The following H3Y1 variants were observed in gnomAD, a reference collection of about 807,000 sequenced individuals.
H3Y1 encodes histone H3.Y.
In H3Y1, 1 loss-of-function variant was observed where a neutral mutation model predicts 0.5. The observed-to-expected ratio is 2.08, with a 90% confidence interval of 0.74 to 9.87. The LOEUF (loss-of-function observed/expected upper bound fraction) is 9.87. Ranked by LOEUF, H3Y1 falls within the 30% of genes most tolerant of loss-of-function variation. The pLI, the probability that H3Y1 is intolerant of heterozygous loss-of-function variation, is 0.13. For missense variants in H3Y1, 35 were observed against 11.5 expected, an observed-to-expected ratio of 3.05 and a Z score of -2.96; for synonymous variants, 9 against 5.0, an observed-to-expected ratio of 1.80 and a Z score of -1.07.
At position 17,655,304 on chromosome 5, in the gene H3Y1, T is replaced by A. The variant is rs1740169818; in HGVS notation, c.235A>T (p.Ile79Phe). 8 of 468,160 alleles carry A rather than the reference T, an allele frequency of 1.7e-5. No homozygotes were observed. The East Asian group carries it at 2.4e-4, about 14-fold the overall frequency. The allele number at this position is 468,160 out of a possible 1,614,324, so 29.0% of individuals were successfully genotyped here. Reference sequence around the variant, plus strand: ...CTCTGGAAGCGCAGGTCCGGGCTGATGGCCTGGGCGATCTCGCGCACCAGG... The same window carrying A: ...CTCTGGAAGCGCAGGTCCGGGCTGAAGGCCTGGGCGATCTCGCGCACCAGG... ...QRLVREIAQA[I>F]SPDLRFQSAA... The change falls in exon 1 of 1, where the codon ATC becomes TTC. Residue 79 changes from isoleucine (I) to phenylalanine (F), a missense_variant. Ile to Phe is a conservative substitution (Grantham distance 21). Coordinates refer to ENST00000598383, the MANE Select transcript of H3Y1 (RefSeq NM_001355258.2).
In H3Y1 at chr5:17,655,563, T is replaced by C; in HGVS notation, c.-25A>G. On this transcript the variant is annotated 5_prime_UTR_variant, in exon 1 of 1. Transcript: ENST00000598383. Reference sequence around the variant, plus strand: ...TGTCGCGGGGCCTTAGCCTCTCCCCTGTCCTTGGGCTGAGCCTGGCCGGCT... The same window carrying C: ...TGTCGCGGGGCCTTAGCCTCTCCCCCGTCCTTGGGCTGAGCCTGGCCGGCT... The C allele has an allele frequency of 2.5e-6, 1 of 401,818 alleles. No individual in the cohort carries two copies. The highest frequency in any genetic ancestry group is 4.4e-6 in the Non-Finnish European group (1 of 228,482). The allele number at this position is 401,818 out of a possible 1,614,324, so 24.9% of individuals were successfully genotyped here. A position where few individuals can be genotyped will look rare whatever the true frequency, so the allele number is the denominator to read the frequency against.
In H3Y1 at chr5:17,655,419, G is replaced by A. The variant is rs113901801; in HGVS notation, c.120C>T (p.His40=). Residue 40 remains histidine, a synonymous_variant, in exon 1 of 1, where the codon CAC becomes CAT. Transcript: ENST00000598383. ...APPTGGIKKP[H]RYKPGTLALR... ...GCGCCAGGGTGCCAGGCTTGTAGCG[G>A]TGAGGCTTCTTGATCCCTCCTGTAG... The A allele has an allele frequency of 0.018, 7,552 of 413,410 alleles. 123 individuals carry two copies. Among genetic ancestry groups the A allele is most frequent in the African/African-American group, 0.04 (1,961 of 48,724 alleles). 25.6% of individuals were successfully genotyped at this position (413,410 alleles called of 1,614,324 possible).
rs930757686 is a variant in H3Y1 at position 17,655,737 on chromosome 5, G to T, written c.-199C>A. ...CACTTACCAGCCCTCAGGTCTGTGG[G>T]TCGGAGGCCGCGCTGCTTAGTCTTT... On this transcript the variant is annotated 5_prime_UTR_variant, in exon 1 of 1. Transcript: ENST00000598383. 3.0e-5 allele frequency: 12 copies of T among 396,436 alleles called. No individual in the cohort carries two copies. The highest frequency in any genetic ancestry group is 5.3e-5 in the Non-Finnish European group (12 of 225,484). The allele number at this position is 396,436 out of a possible 1,614,324, so 24.6% of individuals were successfully genotyped here.
rs35397158 is a variant in H3Y1, at chr5:17,654,960, AGCTGAAGT to A, written c.*160_*167del. 373,532 of 395,876 alleles carry A rather than the reference AGCTGAAGT, an allele frequency of 0.94. 177,462 individuals are homozygous for A. Among genetic ancestry groups the A allele is most frequent in the Non-Finnish European group, 0.98 (220,373 of 225,332 alleles). The allele number at this position is 395,876 out of a possible 1,614,324, so 24.5% of individuals were successfully genotyped here. On this transcript the variant is annotated 3_prime_UTR_variant, in exon 1 of 1. Transcript: ENST00000598383. ...ACAGGTTTCTTGAAAATTGATGTAG[AGCTGAAGT>A]GCTGAAACTCGCTCACTGAAACATT...
rs765430749 is a variant in H3Y1 at position 17,655,329 on chromosome 5, G to A, written c.210C>T (p.Arg70=). ...TGGCCTGGGCGATCTCGCGCACCAGGCGCTGGAAGGGCAGCTTGCGCAGGA... is the reference window on the plus strand; with the variant it reads ...TGGCCTGGGCGATCTCGCGCACCAGACGCTGGAAGGGCAGCTTGCGCAGGA... ...QLLLRKLPFQ[R]LVREIAQAIS... Residue 70 remains arginine, a synonymous_variant, in exon 1 of 1, where the codon CGC becomes CGT. Transcript: ENST00000598383. 158 of 451,054 alleles carry A rather than the reference G, an allele frequency of 3.5e-4. 2 individuals are homozygous for A. The highest frequency in any genetic ancestry group is 8.0e-5 in the Non-Finnish European group (20 of 251,440). 27.9% of individuals were successfully genotyped at this position (451,054 alleles called of 1,614,324 possible).
In H3Y1 at chr5:17,655,117, C is replaced by T. The variant is rs189259099; in HGVS notation, c.*11G>A. On this transcript the variant is annotated 3_prime_UTR_variant, in exon 1 of 1. Transcript: ENST00000598383. ...CCACTCCCAATCCTATGCTTAGCTA[C>T]CTTTGGGCTCTTAAGGACCCTCTCT... 283 of 408,046 alleles carry T rather than the reference C, an allele frequency of 6.9e-4. 1 individual carries two copies. The highest frequency in any genetic ancestry group is 5.3e-3 in the African/African-American group (259 of 48,598). 25.3% of individuals were successfully genotyped at this position (408,046 alleles called of 1,614,324 possible). A position where few individuals can be genotyped will look rare whatever the true frequency, so the allele number is the denominator to read the frequency against.
chr5:17,655,139 C>G lies in H3Y1; in HGVS notation c.400G>C (p.Glu134Gln), dbSNP rs180758285. 46 of 422,408 alleles carry G rather than the reference C, an allele frequency of 1.1e-4. No homozygotes were observed. The highest frequency in any genetic ancestry group is 9.0e-4 in the African/African-American group (44 of 48,764). The allele number at this position is 422,408 out of a possible 1,614,324, so 26.2% of individuals were successfully genotyped here. Residue 134 changes from glutamate to glutamine, a missense_variant, in exon 1 of 1, where the codon GAG becomes CAG. By Grantham distance (29) the Glu-to-Gln change is conservative. Transcript: ENST00000598383. ...CTACCTTTGGGCTCTTAAGGACCCT[C>G]TCTGCGGAGGCGGCGGGCCAGCTGC... ...DMQLARRLRR[E>Q]GP is the part of the protein sequence containing the mutation.
rs1740167515 is a variant in H3Y1 at position 17,655,215 on chromosome 5, G to T, written c.324C>A (p.Thr108=). Residue 108 remains threonine (T), a synonymous_variant, in exon 1 of 1, where the codon ACC becomes ACA. Coordinates refer to ENST00000598383, the MANE Select transcript of H3Y1 (RefSeq NM_001355258.2). ...EAYLVQLFED[T]NLCAIHARRV... Reference sequence around the variant, plus strand: ...GCCTGGCATGGATGGCACACAGGTTGGTGTCTTCAAAGAGCTGCACCAGGT... The same window carrying T: ...GCCTGGCATGGATGGCACACAGGTTTGTGTCTTCAAAGAGCTGCACCAGGT... 18 of 467,974 alleles carry T rather than the reference G, an allele frequency of 3.8e-5. No homozygotes were observed. The highest frequency in any genetic ancestry group is 6.5e-5 in the Non-Finnish European group (17 of 262,642). The allele number at this position is 467,974 out of a possible 1,614,324, so 29.0% of individuals were successfully genotyped here. A position where few individuals can be genotyped will look rare whatever the true frequency, so the allele number is the denominator to read the frequency against.
In H3Y1 at chr5:17,655,278, A is replaced by G. The variant is rs528649083; in HGVS notation, c.261T>C (p.Ser87=). 99 of 471,712 alleles carry G rather than the reference A, an allele frequency of 2.1e-4. No homozygotes were observed. The East Asian group carries it at 2.2e-3, about 11-fold the overall frequency. The allele number at this position is 471,712 out of a possible 1,614,324, so 29.2% of individuals were successfully genotyped here. The change falls in exon 1 of 1, where the codon AGT becomes AGC. Residue 87 remains serine (S), a synonymous_variant. Transcript: ENST00000598383. The part of the protein sequence containing the change: ...QAISPDLRFQ[S]AAIGALQEAS... ...CCTCCTGCAGGGCGCCAATGGCCGC[A>G]CTCTGGAAGCGCAGGTCCGGGCTGA...
chr5:17,655,532 G>C lies in H3Y1; in HGVS notation c.7C>G (p.Arg3Gly), dbSNP rs565916700. The part of the protein sequence containing the change: MA[R>G]TKQTARKATA... ...GCTTTGCGGGCGGTCTGCTTGGTGC[G>C]CGCCATGTCGCGGGGCCTTAGCCTC... Residue 3 changes from arginine to glycine, a missense_variant, in exon 1 of 1, where the codon CGC (arginine) becomes GGC (glycine). Transcript: ENST00000598383. 3 of 406,116 alleles carry C rather than the reference G, an allele frequency of 7.4e-6. No individual in the cohort carries two copies. The highest frequency in any genetic ancestry group is 8.7e-6 in the Non-Finnish European group (2 of 231,146). 25.2% of individuals were successfully genotyped at this position (406,116 alleles called of 1,614,324 possible).
At position 17,655,724 on chromosome 5, in the gene H3Y1, C is replaced by T. The variant is rs1740180847; in HGVS notation, c.-186G>A. The T allele has an allele frequency of 2.5e-6, 1 of 396,930 alleles. No homozygotes were observed. Among genetic ancestry groups the T allele is most frequent in the South Asian group, 1.4e-4 (1 of 7,038 alleles). The allele number at this position is 396,930 out of a possible 1,614,324, so 24.6% of individuals were successfully genotyped here. On this transcript the variant is annotated 5_prime_UTR_variant, in exon 1 of 1. Transcript: ENST00000598383. The stretch of plus-strand genomic sequence containing the variant: ...CAACCCAGCCCCACACTTACCAGCC[C>T]TCAGGTCTGTGGGTCGGAGGCCGCG...
Position 17,655,220 on chromosome 5 carries a change from C to G in H3Y1, c.319G>C (p.Asp107His), listed in dbSNP as rs775632801. The G allele has an allele frequency of 4.2e-6, 2 of 471,200 alleles. No homozygotes were observed. The highest frequency in any genetic ancestry group is 7.6e-6 in the Non-Finnish European group (2 of 264,072). The allele number at this position is 471,200 out of a possible 1,614,324, so 29.2% of individuals were successfully genotyped here. ...SEAYLVQLFE[D>H]TNLCAIHARR... Reference sequence around the variant, plus strand: ...GCATGGATGGCACACAGGTTGGTGTCTTCAAAGAGCTGCACCAGGTAGGCC... The same window carrying G: ...GCATGGATGGCACACAGGTTGGTGTGTTCAAAGAGCTGCACCAGGTAGGCC... The change falls in exon 1 of 1, where the codon GAC becomes CAC. Residue 107 changes from aspartate (D) to histidine (H), a missense_variant. Transcript: ENST00000598383.
rs1740165391 is a variant in H3Y1 at position 17,655,094 on chromosome 5, A to G, written c.*34T>C. 2.5e-6 allele frequency: 1 copy of G among 401,056 alleles called. No homozygotes were observed. Among genetic ancestry groups the G allele is most frequent in the Admixed American group, 4.4e-5 (1 of 22,690 alleles). The allele number at this position is 401,056 out of a possible 1,614,324, so 24.8% of individuals were successfully genotyped here. A position where few individuals can be genotyped will look rare whatever the true frequency, so the allele number is the denominator to read the frequency against. On this transcript the variant is annotated 3_prime_UTR_variant, in exon 1 of 1. Transcript: ENST00000598383. ...CAAGACCTGATTTCTGCCTGTTTCC[A>G]CTCCCAATCCTATGCTTAGCTACCT...
Position 17,655,746 on chromosome 5 carries a change from C to A in H3Y1, c.-208G>T. On this transcript the variant is annotated 5_prime_UTR_variant, in exon 1 of 1. Transcript: ENST00000598383. ...GCCCTCAGGTCTGTGGGTCGGAGGC[C>A]GCGCTGCTTAGTCTTTCCGGAGGGT... The A allele has an allele frequency of 2.5e-6, 1 of 395,902 alleles. No homozygotes were observed. Among genetic ancestry groups the A allele is most frequent in the Non-Finnish European group, 4.4e-6 (1 of 225,092 alleles). 24.5% of individuals were successfully genotyped at this position (395,902 alleles called of 1,614,324 possible). A position where few individuals can be genotyped will look rare whatever the true frequency, so the allele number is the denominator to read the frequency against.
Position 17,655,212 on chromosome 5 carries a change from G to T in H3Y1, c.327C>A (p.Asn109Lys). The change falls in exon 1 of 1, where the codon AAC (asparagine) becomes AAA (lysine). Residue 109 changes from asparagine (N) to lysine (K), a missense_variant. Asn to Lys is a moderately conservative substitution (Grantham distance 94). Transcript: ENST00000598383. ...AYLVQLFEDT[N>K]LCAIHARRVT... ...CGCGCCTGGCATGGATGGCACACAGGTTGGTGTCTTCAAAGAGCTGCACCA... is the reference window on the plus strand; with the variant it reads ...CGCGCCTGGCATGGATGGCACACAGTTTGGTGTCTTCAAAGAGCTGCACCA... The T allele has an allele frequency of 2.1e-6, 1 of 467,466 alleles. No homozygotes were observed. Among genetic ancestry groups the T allele is most frequent in the Non-Finnish European group, 3.8e-6 (1 of 262,236 alleles). 29.0% of individuals were successfully genotyped at this position (467,466 alleles called of 1,614,324 possible).
chr5:17,655,544 G>C lies in H3Y1; in HGVS notation c.-6C>G, dbSNP rs1740176307. The C allele has an allele frequency of 2.5e-6, 1 of 404,472 alleles. No individual in the cohort carries two copies. The highest frequency in any genetic ancestry group is 3.6e-5 in the East Asian group (1 of 28,098). 25.1% of individuals were successfully genotyped at this position (404,472 alleles called of 1,614,324 possible). A position where few individuals can be genotyped will look rare whatever the true frequency, so the allele number is the denominator to read the frequency against. Reference sequence around the variant, plus strand: ...GTCTGCTTGGTGCGCGCCATGTCGCGGGGCCTTAGCCTCTCCCCTGTCCTT... The same window carrying C: ...GTCTGCTTGGTGCGCGCCATGTCGCCGGGCCTTAGCCTCTCCCCTGTCCTT... On this transcript the variant is annotated 5_prime_UTR_variant, in exon 1 of 1. Coordinates refer to ENST00000598383, the MANE Select transcript of H3Y1 (RefSeq NM_001355258.2).
rs2126438827 is a variant in H3Y1, at chr5:17,654,926, T to C, written c.*202A>G. 5.2e-6 allele frequency: 2 copies of C among 386,778 alleles called. No individual in the cohort carries two copies. The highest frequency in any genetic ancestry group is 9.1e-5 in the Admixed American group (2 of 21,942). 24.0% of individuals were successfully genotyped at this position (386,778 alleles called of 1,614,324 possible). ...TAGTCTAAACACAGGCATAGTCCAG[T>C]GAAAATGAACAGGTTTCTTGAAAAT... On this transcript the variant is annotated 3_prime_UTR_variant, in exon 1 of 1. Transcript: ENST00000598383.
rs1335823151 is a variant in H3Y1 at position 17,655,633 on chromosome 5, A to C, written c.-95T>G. Reference sequence around the variant, plus strand: ...GAGAGCGAGGGCAGTGGTGCTGTGGACAGGATTCAGAGAGCCTGTGAGTTG... The same window carrying C: ...GAGAGCGAGGGCAGTGGTGCTGTGGCCAGGATTCAGAGAGCCTGTGAGTTG... On this transcript the variant is annotated 5_prime_UTR_variant, in exon 1 of 1. Transcript: ENST00000598383. The C allele has an allele frequency of 5.0e-6, 2 of 399,914 alleles. No individual in the cohort carries two copies. The highest frequency in any genetic ancestry group is 6.3e-4 in the Middle Eastern group (1 of 1,600). 24.8% of individuals were successfully genotyped at this position (399,914 alleles called of 1,614,324 possible).
At position 17,655,588 on chromosome 5, in the gene H3Y1, T is replaced by C. The variant is rs1470591758; in HGVS notation, c.-50A>G. On this transcript the variant is annotated 5_prime_UTR_variant, in exon 1 of 1. Transcript: ENST00000598383. ...TGTCCTTGGGCTGAGCCTGGCCGGC[T>C]GCAGGCGGTGCTGGCGTCAGAGAGC... is the stretch of plus-strand genomic sequence containing the variant. 2.5e-5 allele frequency: 10 copies of C among 400,978 alleles called. No individual in the cohort carries two copies. The highest frequency in any genetic ancestry group is 2.2e-5 in the Non-Finnish European group (5 of 228,136). 24.8% of individuals were successfully genotyped at this position (400,978 alleles called of 1,614,324 possible). A position where few individuals can be genotyped will look rare whatever the true frequency, so the allele number is the denominator to read the frequency against.
Sources: allele counts gnomAD v4.1 joint callset, GRCh38; gene constraint gnomAD v4.1.1; transcripts MANE v1.5; gene names NCBI Gene and HGNC (gene_info 2026-07-23, HGNC 2026-07-21).